GNAT1: variants seen among roughly 807,000 people sequenced by gnomAD.
The protein encoded by GNAT1 is G protein subunit alpha transducin 1, also known as guanine nucleotide-binding protein G(t) subunit alpha-1.
A neutral mutation model predicts 40.0 loss-of-function variants in GNAT1; 36 were observed. The observed-to-expected ratio is 0.90, with a 90% CI of 0.69 to 1.19. The LOEUF is 1.19. Ranked by LOEUF, GNAT1 falls within the 50% of genes most tolerant of loss-of-function variation. The pLI, the probability that GNAT1 is intolerant of heterozygous loss-of-function variation, is 0.00. For synonymous variants in GNAT1, 195 were observed against 192.9 expected (o/e 1.01, Z -0.09); for missense variants, 413 against 480.6 (o/e 0.86, Z 1.32).
Position 50,195,571 on chromosome 3 carries a change from G to C in GNAT1, c.*305G>C, listed in dbSNP as rs1699490695. The C allele has an allele frequency of 6.1e-6, 1 of 162,832 alleles. No individual in the cohort carries two copies. The highest frequency in any genetic ancestry group is 5.6e-5 in the Admixed American group (1 of 17,756). 10.1% of individuals were successfully genotyped at this position (162,832 alleles called of 1,614,324 possible). On this transcript the variant is annotated 3_prime_UTR_variant, in exon 9 of 9. Coordinates refer to ENST00000232461, the MANE Select transcript of GNAT1 (RefSeq NM_144499.3). Reference sequence around the variant, plus strand: ...AGGACTTGGGGCAGCTGAAGCTCACGGTGACTCAGCAGTGCCCAACTGACC... The same window carrying C: ...AGGACTTGGGGCAGCTGAAGCTCACCGTGACTCAGCAGTGCCCAACTGACC...
In GNAT1 at chr3:50,193,709, G is replaced by T; in HGVS notation, c.450-44G>T. ...GGGCGCGGGGCGCGGGGCGCAGGGG[G>T]CCCTCCACGCCTCCCCACCCACCTA... is the stretch of plus-strand genomic sequence containing the variant. On this transcript the variant is annotated intron_variant, in intron 4 of 8. Coordinates refer to ENST00000232461, the MANE Select transcript of GNAT1 (RefSeq NM_144499.3). The surrounding 1 kb of genome is among the most constrained non-coding windows in gnomAD (Gnocchi z 8.1). 1.3e-6 allele frequency: 2 copies of T among 1,598,140 alleles called. No individual in the cohort carries two copies. Among genetic ancestry groups the T allele is most frequent in the South Asian group, 2.2e-5 (2 of 90,100 alleles).
At chr3:50,195,229 T>G (rs1699484048) in intron 8 of GNAT1, 39 bp from the exon 9 acceptor site, 2 of 528,226 alleles carry the variant, frequency 3.8e-6, no homozygotes, top group Non-Finnish European at 3.4e-6. Flanking sequence ...CCCATTTATT[T>G]TGGGTCTCAG....
In GNAT1 at chr3:50,191,692, T is replaced by C; in HGVS notation, c.-34T>C. ...ATCCCCTCCATCCAGAAGAACCACC[T>C]GCTCACTCTGTCCCTTCGCCTGCTG... On this transcript the variant is annotated 5_prime_UTR_variant, in exon 1 of 9. Transcript: ENST00000232461. The C allele has an allele frequency of 6.7e-7, 1 of 1,492,386 alleles. No individual in the cohort carries two copies. 92.4% of individuals were successfully genotyped at this position (1,492,386 alleles called of 1,614,324 possible). A position where few individuals can be genotyped will look rare whatever the true frequency, so the allele number is the denominator to read the frequency against.
At position 50,194,949 on chromosome 3, in the gene GNAT1, C is replaced by A; in HGVS notation, c.1047C>A (p.Leu349=). The A allele has an allele frequency of 3.7e-6, 6 of 1,611,506 alleles. No individual in the cohort carries two copies. Among genetic ancestry groups the A allele is most frequent in the Non-Finnish European group, 5.1e-6 (6 of 1,178,348 alleles). ...AGGAGAACCTCAAAGACTGTGGCCT[C>A]TTCTGAGGTAGGTCGCTGCCCTCTC... is the stretch of plus-strand genomic sequence containing the variant. The part of the protein sequence containing the change: ...IIKENLKDCG[L]F Residue 349 remains leucine (L), a synonymous_variant, in exon 8 of 9, where the codon CTC becomes CTA. Coordinates refer to ENST00000232461, the MANE Select transcript of GNAT1 (RefSeq NM_144499.3). The surrounding 1 kb of genome is among the most constrained non-coding windows in gnomAD (Gnocchi z 6.1).
In GNAT1 at chr3:50,194,304, G is replaced by A; in HGVS notation, c.708+83G>A. The A allele has an allele frequency of 2.7e-6, 4 of 1,508,412 alleles. No individual in the cohort carries two copies. The highest frequency in any genetic ancestry group is 4.9e-5 in the East Asian group (2 of 40,714). 93.4% of individuals were successfully genotyped at this position (1,508,412 alleles called of 1,614,324 possible). A position where few individuals can be genotyped will look rare whatever the true frequency, so the allele number is the denominator to read the frequency against. On this transcript the variant is annotated intron_variant, in intron 6 of 8. Transcript: ENST00000232461. This position sits in a 1 kb window ranked among gnomAD's most constrained non-coding sequence, Gnocchi z 6.1. ...GAGGCGGAGACCGCGCGCTGGGCTGGGGGAGGGCACGGGAGGGGATGCCTG... is the reference window on the plus strand; with the variant it reads ...GAGGCGGAGACCGCGCGCTGGGCTGAGGGAGGGCACGGGAGGGGATGCCTG...
Position 50,193,478 on chromosome 3 carries a change from C to A in GNAT1, c.292-28C>A. On this transcript the variant is annotated intron_variant, in intron 3 of 8. Coordinates refer to ENST00000232461, the MANE Select transcript of GNAT1 (RefSeq NM_144499.3). This position sits in a 1 kb window ranked among gnomAD's most constrained non-coding sequence, Gnocchi z 8.1. ...GCGGCTGGGCCCGAGTCCCTGGCCG[C>A]CACCAGCCACTCTCACCCTGCCCCC... is the stretch of plus-strand genomic sequence containing the variant. 1 of 1,611,736 alleles carries A rather than the reference C, an allele frequency of 6.2e-7. No homozygotes were observed.
In GNAT1 at chr3:50,191,642, G is replaced by A; in HGVS notation, c.-84G>A. 2 of 989,438 alleles carry A rather than the reference G, an allele frequency of 2.0e-6. No individual in the cohort carries two copies. The highest frequency in any genetic ancestry group is 3.3e-6 in the Non-Finnish European group (2 of 614,070). The allele number at this position is 989,438 out of a possible 1,614,324, so 61.3% of individuals were successfully genotyped here. ...TGCAGGTCCTCCTGGGGCCAGAAGGGTGCCTGGGAGGCCAGGTTCTGGGGA... is the reference window on the plus strand; with the variant it reads ...TGCAGGTCCTCCTGGGGCCAGAAGGATGCCTGGGAGGCCAGGTTCTGGGGA... On this transcript the variant is annotated 5_prime_UTR_variant, in exon 1 of 9. The change creates a new upstream start codon in the 5' untranslated region. Coordinates refer to ENST00000232461, the MANE Select transcript of GNAT1 (RefSeq NM_144499.3).
At position 50,193,690 on chromosome 3, in the gene GNAT1, G is replaced by A. The variant is rs751108196; in HGVS notation, c.449+27G>A. ...TGAGCGCGCGGGCAGCGCGGGGCGC[G>A]GGGCGCGGGGCGCAGGGGGCCCTCC... is the stretch of plus-strand genomic sequence containing the variant. On this transcript the variant is annotated intron_variant, in intron 4 of 8. Transcript: ENST00000232461. The surrounding 1 kb of genome is among the most constrained non-coding windows in gnomAD (Gnocchi z 8.1). 55 of 1,602,838 alleles carry A rather than the reference G, an allele frequency of 3.4e-5. No homozygotes were observed. The Middle Eastern group carries it at 5.1e-4, about 15-fold the overall frequency.
Position 50,194,099 on chromosome 3 carries a change from G to A in GNAT1, c.586G>A (p.Asp196Asn). ...SFKDLNFRMF[D>N]VGGQRSERKK... ...GCCCCCGCGGCCCCGCAGGATGTTC[G>A]ATGTGGGCGGGCAGCGCTCGGAGCG... The change falls in exon 6 of 9, where the codon GAT becomes AAT. Residue 196 changes from aspartate to asparagine, a missense_variant. By Grantham distance (23) the Asp-to-Asn change is conservative. Coordinates refer to ENST00000232461, the MANE Select transcript of GNAT1 (RefSeq NM_144499.3). The surrounding 1 kb of genome is among the most constrained non-coding windows in gnomAD (Gnocchi z 6.1). The A allele has an allele frequency of 3.7e-6, 6 of 1,613,554 alleles. No individual in the cohort carries two copies. The highest frequency in any genetic ancestry group is 1.6e-4 in the Middle Eastern group (1 of 6,062).
chr3:50,194,136 T>A lies in GNAT1; in HGVS notation c.623T>A (p.Ile208Asn), dbSNP rs1448085077. 1.2e-6 allele frequency: 2 copies of A among 1,613,912 alleles called. No homozygotes were observed. Among genetic ancestry groups the A allele is most frequent in the African/African-American group, 1.3e-5 (1 of 74,936 alleles). The change falls in exon 6 of 9, where the codon ATC (isoleucine) becomes AAC (asparagine). Residue 208 changes from isoleucine (I) to asparagine (N), a missense_variant. Transcript: ENST00000232461. The surrounding 1 kb of genome is among the most constrained non-coding windows in gnomAD (Gnocchi z 6.1). The part of the protein sequence containing the change: ...GGQRSERKKW[I>N]HCFEGVTCII... ...CAGCGCTCGGAGCGCAAGAAGTGGA[T>A]CCACTGCTTCGAGGGCGTGACCTGC... is the stretch of plus-strand genomic sequence containing the variant.
At position 50,193,917 on chromosome 3, in the gene GNAT1, C is replaced by CTTTA. The variant is rs756475063; in HGVS notation, c.578+36_578+37insTTTA. ...TACGCTAGCCCAGGAGGTCACTGCC[C>CTTTA]CAGGCCCCGTCCTGCCCCGGGGACC... On this transcript the variant is annotated intron_variant, in intron 5 of 8. Transcript: ENST00000232461. The surrounding 1 kb of genome is among the most constrained non-coding windows in gnomAD (Gnocchi z 8.1). 2 of 1,612,584 alleles carry CTTTA rather than the reference C, an allele frequency of 1.2e-6. No individual in the cohort carries two copies. The highest frequency in any genetic ancestry group is 1.7e-6 in the Non-Finnish European group (2 of 1,179,438).
Position 50,191,731 on chromosome 3 carries a change from G to A in GNAT1, c.6G>A (p.Gly2=), listed in dbSNP as rs1328995578. The change falls in exon 1 of 9, where the codon GGG becomes GGA. Residue 2 remains glycine (G), a synonymous_variant. Coordinates refer to ENST00000232461, the MANE Select transcript of GNAT1 (RefSeq NM_144499.3). ...CTTCGCCTGCTGCTGGGACCATGGG[G>A]GCTGGGGCCAGTGCTGAGGAGAAGC... M[G]AGASAEEKHS... is the part of the protein sequence containing the mutation. 1 of 1,611,678 alleles carries A rather than the reference G, an allele frequency of 6.2e-7. No individual in the cohort carries two copies. Among genetic ancestry groups the A allele is most frequent in the East Asian group, 2.2e-5 (1 of 44,876 alleles).
At chr3:50,192,739 T>G (rs1699429860) in intron 1 of GNAT1, 3 of 390,992 alleles carry the variant, frequency 7.7e-6, no homozygotes, top group South Asian at 4.6e-5. Flanking sequence ...TGCAAGGGGT[T>G]TACCCGCCTC....
intron 1 of GNAT1, among the ~76,000 whole-genome samples, chr3:50,192,108 T>C (rs1170487536): frequency 6.6e-6 from 1 of 151,972 alleles, no homozygotes; most frequent in African/African-American, 2.4e-5. Context: ...CTTGCACGGG[T>C]GTGTGATGCC....
At position 50,193,328 on chromosome 3, in the gene GNAT1, C is replaced by G. The variant is rs1451684911; in HGVS notation, c.213C>G (p.Gly71=). Reference sequence around the variant, plus strand: ...TCGAGTTTATCGCCATCATCTACGGCAACACGTTGCAGTCCATCCTGGCCA... The same window carrying G: ...TCGAGTTTATCGCCATCATCTACGGGAACACGTTGCAGTCCATCCTGGCCA... ...ECLEFIAIIY[G]NTLQSILAIV... The change falls in exon 3 of 9, where the codon GGC becomes GGG. Residue 71 remains glycine, a synonymous_variant. Coordinates refer to ENST00000232461, the MANE Select transcript of GNAT1 (RefSeq NM_144499.3). This position sits in a 1 kb window ranked among gnomAD's most constrained non-coding sequence, Gnocchi z 8.1. 7 of 1,614,082 alleles carry G rather than the reference C, an allele frequency of 4.3e-6. No homozygotes were observed. Among genetic ancestry groups the G allele is most frequent in the Middle Eastern group, 1.6e-4 (1 of 6,062 alleles).
rs868087123 is a variant in GNAT1, at chr3:50,196,120, G to T, written c.*854G>T. The T allele has an allele frequency of 6.6e-6, 1 of 152,346 alleles. No homozygotes were observed. The highest frequency in any genetic ancestry group is 1.5e-5 in the Non-Finnish European group (1 of 68,122). The allele number at this position is 152,346 out of a possible 1,614,324, so 9.4% of individuals were successfully genotyped here. ...GCCAATAGCTGGGCTGTCCTGAGGG[G>T]TGGCTGGGGACAGAGTCCAGCTCCC... On this transcript the variant is annotated 3_prime_UTR_variant, in exon 9 of 9. Coordinates refer to ENST00000232461, the MANE Select transcript of GNAT1 (RefSeq NM_144499.3).
chr3:50,191,951 G>A lies in GNAT1; in HGVS notation c.106+120G>A, dbSNP rs60564525. The A allele has an allele frequency of 9.6e-3, 6,847 of 710,822 alleles. 359 individuals are homozygous for A. The African/African-American group carries it at 0.11, about 11-fold the overall frequency. The allele number at this position is 710,822 out of a possible 1,614,324, so 44.0% of individuals were successfully genotyped here. ...GCAGTATGAGCCTGTGACAGAGTAG[G>A]GCACAGGGTGGGAGCCCTGGCCAAG... is the stretch of plus-strand genomic sequence containing the variant. On this transcript the variant is annotated intron_variant, in intron 1 of 8. Coordinates refer to ENST00000232461, the MANE Select transcript of GNAT1 (RefSeq NM_144499.3).
rs1240005910 is a variant in GNAT1, at chr3:50,196,203, T to C, written c.*937T>C. 1 of 152,184 alleles carries C rather than the reference T, an allele frequency of 6.6e-6. No individual in the cohort carries two copies. The highest frequency in any genetic ancestry group is 1.5e-5 in the Non-Finnish European group (1 of 68,066). The allele number at this position is 152,184 out of a possible 1,614,324, so 9.4% of individuals were successfully genotyped here. A position where few individuals can be genotyped will look rare whatever the true frequency, so the allele number is the denominator to read the frequency against. Reference sequence around the variant, plus strand: ...AAGGCCCTGGCTGTGCCCAAAAGGGTCTACCTCAGGTGGGGTTACAAGCAA... The same window carrying C: ...AAGGCCCTGGCTGTGCCCAAAAGGGCCTACCTCAGGTGGGGTTACAAGCAA... On this transcript the variant is annotated 3_prime_UTR_variant, in exon 9 of 9. Coordinates refer to ENST00000232461, the MANE Select transcript of GNAT1 (RefSeq NM_144499.3).
Position 50,194,979 on chromosome 3 carries a change from C to A in GNAT1, c.*1+23C>A, listed in dbSNP as rs1199908126. ...GAGGTAGGTCGCTGCCCTCTCCAGG[C>A]TCTTGCCTCAATACCCCAGCCCCGT... is the stretch of plus-strand genomic sequence containing the variant. On this transcript the variant is annotated intron_variant, in intron 8 of 8. Coordinates refer to ENST00000232461, the MANE Select transcript of GNAT1 (RefSeq NM_144499.3). This position sits in a 1 kb window ranked among gnomAD's most constrained non-coding sequence, Gnocchi z 6.1. The A allele has an allele frequency of 1.9e-6, 3 of 1,569,998 alleles. No homozygotes were observed. The highest frequency in any genetic ancestry group is 4.5e-5 in the East Asian group (2 of 44,302).
Sources: allele counts gnomAD v4.1 joint callset (sites outside exome capture counted in the v4.1 genomes callset), GRCh38; gene constraint gnomAD v4.1.1; non-coding constraint Gnocchi (gnomAD v3.1); transcripts MANE v1.5; gene names NCBI Gene and HGNC (gene_info 2026-07-23, HGNC 2026-07-21).